SLC8A1: variants seen among roughly 807,000 people sequenced by gnomAD.
SLC8A1 encodes the protein sodium/calcium exchanger 1.
SLC8A1 carries 18 observed loss-of-function variants against 68.3 expected under a neutral mutation model. That is an observed-to-expected ratio of 0.26 (90% confidence interval 0.18 to 0.39). The LOEUF (loss-of-function observed/expected upper bound fraction) is 0.39. Ranked by LOEUF, SLC8A1 falls within the 10% of genes least tolerant of loss-of-function variation. The pLI is 1.00. For missense variants in SLC8A1, 985 were observed against 1,156.7 expected (o/e 0.85, Z 2.15); for synonymous variants, 475 against 415.5 (o/e 1.14, Z -1.74).
chr2:40,501,144 A>G (rs1019986089), intron 1 of SLC8A1, among the ~76,000 whole-genome samples: 1 of 151,840 alleles, frequency 6.6e-6, no homozygotes, highest in Non-Finnish European at 1.5e-5. Flanking sequence ...TTGTTTCCTT[A>G]CTTCATTGAG....
chr2:40,201,123 G>T (rs430473), intron 2 of SLC8A1, among the ~76,000 whole-genome samples: 22,915 of 150,812 alleles, frequency 0.15, 2,243 homozygotes, highest in African/African-American at 0.26. Flanking sequence ...AAAAAAAAAA[G>T]AAAAGAAAAA....
chr2:40,144,445 C>A (rs563609096), intron 6 of SLC8A1, among the ~76,000 whole-genome samples: 3 of 152,072 alleles, frequency 2.0e-5, no homozygotes, highest in Non-Finnish European at 4.4e-5. Context: ...TCTAACAGTC[C>A]AGGGAACATT....
chr2:40,450,801 G>C (rs752502701), intron 1 of SLC8A1, among the ~76,000 whole-genome samples: 2 of 152,220 alleles, frequency 1.3e-5, no homozygotes, highest in Non-Finnish European at 2.9e-5. Context: ...CTAGCGCAAA[G>C]CATGACTTTC....
At chr2:40,392,067 A>AGAAG (rs142709283) in intron 2 of SLC8A1, among the ~76,000 whole-genome samples, 111,454 of 150,124 alleles carry the variant, frequency 0.74, 42,723 homozygotes, top group African/African-American at 0.93. Flanking sequence ...AGAAGGAAGG[A>AGAAG]GAAGGAAGGA....
At chr2:40,115,700 A>G in intron 7 of SLC8A1, 71 bp from the exon 11 acceptor site, 1 of 1,540,744 alleles carries the variant, frequency 6.5e-7, no homozygotes, top group Non-Finnish European at 8.7e-7. Flanking sequence ...TGCAAGCTTC[A>G]GCTGTGTACT....
chr2:40,423,963 A>C (rs1696191655), intron 2 of SLC8A1, among the ~76,000 whole-genome samples: 1 of 152,016 alleles, frequency 6.6e-6, no homozygotes, highest in Non-Finnish European at 1.5e-5. Context: ...GCAGAAATCC[A>C]TTCAAATGCT....
chr2:40,508,065 T>C (rs914200632), intron 1 of SLC8A1, among the ~76,000 whole-genome samples: 3 of 152,156 alleles, frequency 2.0e-5, no homozygotes, highest in Non-Finnish European at 2.9e-5. Context: ...TGGCAATGGT[T>C]CTTAGAATCA....
At chr2:40,265,648 A>C (rs403630) in intron 2 of SLC8A1, among the ~76,000 whole-genome samples, 123,316 of 151,968 alleles carry the variant, frequency 0.81, 50,410 homozygotes, top group South Asian at 0.88. Flanking sequence ...TAACAAAATC[A>C]ATTTTTAAAT....
chr2:40,129,976 T>A (rs2038992202), intron 7 of SLC8A1, among the ~76,000 whole-genome samples: 1 of 152,184 alleles, frequency 6.6e-6, no homozygotes, highest in Admixed American at 6.5e-5. Flanking sequence ...GCATCCCTGC[T>A]CCCTGGACCA....
At chr2:40,396,653 C>T (rs911468359) in intron 2 of SLC8A1, among the ~76,000 whole-genome samples, 13 of 146,642 alleles carry the variant, frequency 8.9e-5, no homozygotes, top group African/African-American at 3.3e-4. Flanking sequence ...TTCTGTAATC[C>T]TATGTTTCTT....
chr2:40,440,576 G>A (rs1201254473), intron 1 of SLC8A1, among the ~76,000 whole-genome samples: 1 of 151,978 alleles, frequency 6.6e-6, no homozygotes. Context: ...TCTCCTTAAG[G>A]AACTTATTAC....
At chr2:40,263,306 TATA>T in intron 2 of SLC8A1, among the ~76,000 whole-genome samples, 1 of 152,314 alleles carries the variant, frequency 6.6e-6, no homozygotes, top group East Asian at 1.9e-4. Context: ...ATACATAACA[TATA>T]ATAGCAACAC....
Position 40,336,922 on chromosome 2 carries a change from T to C in SLC8A1, c.1808+91551A>G, listed in dbSNP as rs963042332. On this transcript the variant is annotated intron_variant, in intron 2 of 7. Coordinates refer to ENST00000406785, the Ensembl canonical transcript of SLC8A1. ...CCTGGAAAATGGGGATAATAATGCT[T>C]ACTTTATAGAGGTGGTGAATATAAA... Among the ~76,000 whole-genome samples, 12 of 152,176 alleles carry C rather than the reference T, an allele frequency of 7.9e-5. No individual in the cohort carries two copies. In the South Asian group the frequency reaches 2.5e-3, roughly 32 times the overall value.
chr2:40,351,246 C>G (rs1476864895), intron 2 of SLC8A1, among the ~76,000 whole-genome samples: 2 of 152,110 alleles, frequency 1.3e-5, no homozygotes. Context: ...CATCTAAACT[C>G]TCACTGAATA....
At chr2:40,321,363 T>C (rs2075167182) in intron 2 of SLC8A1, among the ~76,000 whole-genome samples, 1 of 152,106 alleles carries the variant, frequency 6.6e-6, no homozygotes, top group African/African-American at 2.4e-5. Context: ...GATTATATTT[T>C]TCAGAAAAGA....
intron 2 of SLC8A1, among the ~76,000 whole-genome samples, chr2:40,353,891 G>C (rs182148480): frequency 3.4e-4 from 51 of 152,136 alleles, no homozygotes; most frequent in Non-Finnish European, 6.2e-4. Flanking sequence ...CTCACTGCCC[G>C]GTCTGTCTTC....
chr2:40,159,494 G>T (rs1356432168), intron 6 of SLC8A1, among the ~76,000 whole-genome samples: 1 of 152,100 alleles, frequency 6.6e-6, no homozygotes, highest in Non-Finnish European at 1.5e-5. Context: ...AAAAGAGTTT[G>T]TTCATTTTTA....
chr2:40,423,407 A>C lies in SLC8A1; in HGVS notation c.1808+5066T>G, dbSNP rs553223880. On this transcript the variant is annotated intron_variant, in intron 2 of 7. Transcript: ENST00000406785. ...TCTCCCATTTTAGAGTATAAGGAGC[A>C]TATTTTTTCTATTTCTGTTATAATT... 1.9e-3 allele frequency among the ~76,000 whole-genome samples: 291 copies of C among 152,164 alleles called. 2 individuals carry two copies. The highest frequency in any genetic ancestry group is 6.6e-3 in the African/African-American group (275 of 41,562).
chr2:40,491,280 CTGTT>C (rs1705299511), intron 1 of SLC8A1, among the ~76,000 whole-genome samples: 2 of 152,196 alleles, frequency 1.3e-5, no homozygotes, highest in South Asian at 4.1e-4. Context: ...ATTTGGTTCT[CTGTT>C]TGTCTGTTAT....
Sources: allele counts gnomAD v4.1 joint callset (sites outside exome capture counted in the v4.1 genomes callset), GRCh38; gene constraint gnomAD v4.1.1; transcripts MANE v1.5; gene names NCBI Gene and HGNC (gene_info 2026-07-23, HGNC 2026-07-21).